Variants in PELI2 observed in about 807,000 individuals in gnomAD.
The protein encoded by PELI2 is E3 ubiquitin-protein ligase pellino homolog 2.
Under a neutral mutation model 42.3 loss-of-function variants are expected in PELI2, and 23 were observed. The observed-to-expected ratio is 0.54, with a 90% CI of 0.39 to 0.77. The LOEUF (loss-of-function observed/expected upper bound fraction) is 0.77. Ranked by LOEUF, PELI2 falls within the 30% of genes least tolerant of loss-of-function variation. PELI2 has a pLI of 0.00. For missense variants in PELI2, 463 were observed against 553.2 expected (o/e 0.84, Z 1.64); for synonymous variants, 245 against 212.2 (o/e 1.15, Z -1.34).
At chr14:56,207,699 G>A (rs1029669467) in intron 2 of PELI2, among the ~76,000 whole-genome samples, 2 of 152,196 alleles carry the variant, frequency 1.3e-5, no homozygotes, top group African/African-American at 4.8e-5. Flanking sequence ...CCTCACTCCA[G>A]GTAGGATTCA....
At position 56,216,518 on chromosome 14, in the gene PELI2, A is replaced by G. The variant is rs958622814; in HGVS notation, c.207+38054A>G. 1.2e-4 allele frequency among the ~76,000 whole-genome samples: 19 copies of G among 152,212 alleles called. 1 individual carries two copies. Among genetic ancestry groups the G allele is most frequent in the Non-Finnish European group, 2.8e-4 (19 of 68,032 alleles). On this transcript the variant is annotated intron_variant, in intron 2 of 5. Coordinates refer to ENST00000267460, the MANE Select transcript of PELI2 (RefSeq NM_021255.3). Reference sequence around the variant, plus strand: ...GCTGTTCTGTGCTGCAAGCACAGACACTCCTAAAGGCAGATATTTCACAGG... The same window carrying G: ...GCTGTTCTGTGCTGCAAGCACAGACGCTCCTAAAGGCAGATATTTCACAGG...
intron 1 of PELI2, among the ~76,000 whole-genome samples, chr14:56,120,616 C>T (rs1372109451): frequency 1.3e-5 from 2 of 152,170 alleles, no homozygotes; most frequent in Non-Finnish European, 2.9e-5. Flanking sequence ...CGTTTGTGTA[C>T]CTACTCTGTG....
chr14:56,193,225 A>C (rs1488928730), intron 2 of PELI2, among the ~76,000 whole-genome samples: 3 of 152,192 alleles, frequency 2.0e-5, no homozygotes, highest in Non-Finnish European at 4.4e-5. Flanking sequence ...ACATTTCAAG[A>C]CCGTCTGTCC....
chr14:56,203,741 A>G (rs1010575764), intron 2 of PELI2, among the ~76,000 whole-genome samples: 2 of 152,170 alleles, frequency 1.3e-5, no homozygotes, highest in African/African-American at 4.8e-5. Flanking sequence ...CATCTTGGTC[A>G]ACTCTGCAGC....
chr14:56,165,832 C>T (rs917549903), intron 1 of PELI2, among the ~76,000 whole-genome samples: 1 of 152,048 alleles, frequency 6.6e-6, no homozygotes, highest in Non-Finnish European at 1.5e-5. Flanking sequence ...TATAGCAACT[C>T]CTGCTCTTTT....
At chr14:56,174,550 G>A (rs1343281875) in intron 1 of PELI2, among the ~76,000 whole-genome samples, 2 of 152,254 alleles carry the variant, frequency 1.3e-5, no homozygotes, top group South Asian at 2.1e-4. Context: ...ATTGGATGGC[G>A]GGGTGGGGGT....
chr14:56,140,663 G>A (rs193204989), intron 1 of PELI2, among the ~76,000 whole-genome samples: 219 of 152,366 alleles, frequency 1.4e-3, no homozygotes, highest in Non-Finnish European at 2.1e-3. Context: ...TAACGGCAGG[G>A]AAGAAGAATA....
At chr14:56,185,513 C>T (rs1885741447) in intron 2 of PELI2, among the ~76,000 whole-genome samples, 2 of 152,178 alleles carry the variant, frequency 1.3e-5, no homozygotes, top group African/African-American at 2.4e-5. Flanking sequence ...TCTGAAGCAG[C>T]ATACCTACTT....
chr14:56,220,811 C>T (rs1288981598), intron 2 of PELI2, among the ~76,000 whole-genome samples: 2 of 151,958 alleles, frequency 1.3e-5, no homozygotes, highest in Admixed American at 1.3e-4. Context: ...GAGGAAATGC[C>T]GCGAAATGGT....
intron 2 of PELI2, among the ~76,000 whole-genome samples, chr14:56,209,596 A>C (rs1418459883): frequency 2.0e-5 from 3 of 152,192 alleles, no homozygotes; most frequent in African/African-American, 7.2e-5. Context: ...TAAGCGAATA[A>C]ATGAATAAAA....
intron 2 of PELI2, among the ~76,000 whole-genome samples, chr14:56,218,439 A>G (rs1243182665): frequency 6.6e-6 from 1 of 152,234 alleles, no homozygotes; most frequent in East Asian, 1.9e-4. Context: ...TAGTGTTGAG[A>G]CCAACATTGT....
rs1472799126 is a variant in PELI2 at position 56,297,829 on chromosome 14, G to A, written c.*663G>A. The A allele has an allele frequency of 1.3e-5, 2 of 151,612 alleles. No individual in the cohort carries two copies. The highest frequency in any genetic ancestry group is 4.9e-5 in the African/African-American group (2 of 41,222). The allele number at this position is 151,612 out of a possible 1,614,324, so 9.4% of individuals were successfully genotyped here. On this transcript the variant is annotated 3_prime_UTR_variant, in exon 6 of 6. Transcript: ENST00000267460. ...AGATATTCATTCATCAAATACATGG[G>A]ACTTCACAAACAATTTTCCATAACT...
chr14:56,172,363 CT>C (rs1412597129), intron 1 of PELI2, among the ~76,000 whole-genome samples: 2 of 152,174 alleles, frequency 1.3e-5, no homozygotes, highest in African/African-American at 2.4e-5. Flanking sequence ...GGGTAGTCGG[CT>C]TTTCACACTG....
intron 2 of PELI2, among the ~76,000 whole-genome samples, chr14:56,227,398 T>C (rs962092042): frequency 6.6e-6 from 1 of 152,128 alleles, no homozygotes; most frequent in African/African-American, 2.4e-5. Context: ...TACAGGAAAA[T>C]AGATCAAATA....
chr14:56,121,111 C>T (rs546881295), intron 1 of PELI2, among the ~76,000 whole-genome samples: 119 of 152,066 alleles, frequency 7.8e-4, no homozygotes, highest in Non-Finnish European at 1.4e-3. Context: ...ATCTTTATGT[C>T]CTCTGGGGTA....
At position 56,250,151 on chromosome 14, in the gene PELI2, A is replaced by G. The variant is rs540213207; in HGVS notation, c.208-29525A>G. 2.0e-5 allele frequency among the ~76,000 whole-genome samples: 3 copies of G among 152,316 alleles called. No individual in the cohort carries two copies. The East Asian group carries it at 5.8e-4, about 29-fold the overall frequency. ...GGCTTCAAGCTTATTTCCAAAAGCC[A>G]TCGGCACTGGCTGGACCTGTGGAGC... On this transcript the variant is annotated intron_variant, in intron 2 of 5. Transcript: ENST00000267460.
At chr14:56,141,878 A>G (rs1372668901) in intron 1 of PELI2, among the ~76,000 whole-genome samples, 1 of 152,220 alleles carries the variant, frequency 6.6e-6, no homozygotes, top group East Asian at 1.9e-4. Flanking sequence ...TTTGAATTAT[A>G]AACATTTCAT....
At chr14:56,195,556 A>G (rs1042292536) in intron 2 of PELI2, among the ~76,000 whole-genome samples, 1 of 152,204 alleles carries the variant, frequency 6.6e-6, no homozygotes, top group African/African-American at 2.4e-5. Context: ...AAGGCCTTTC[A>G]GCAATTTAGC....
chr14:56,119,597 A>G (rs1319529911), intron 1 of PELI2: 1 of 175,760 alleles, frequency 5.7e-6, no homozygotes, highest in Non-Finnish European at 1.1e-5. Flanking sequence ...TAGAGACTTC[A>G]TCTACTTCCT....
Sources: gnomAD v4.1 joint callset for allele counts (sites outside exome capture counted in the v4.1 genomes callset) on GRCh38, gnomAD v4.1.1 for gene constraint, MANE v1.5 for transcripts, NCBI Gene and HGNC (gene_info 2026-07-23, HGNC 2026-07-21) for gene names.